Variants in EXOC5 observed in about 807,000 individuals in gnomAD.
EXOC5 encodes exocyst complex component 5, also known as SEC10-like 1.
In EXOC5, 17 loss-of-function variants were observed where a neutral mutation model predicts 90.8. The ratio of observed to expected loss-of-function variants is 0.19; its 90% CI spans 0.13 to 0.28. The LOEUF (loss-of-function observed/expected upper bound fraction) is 0.28. EXOC5 is among the 10% of genes least tolerant of loss of function. The pLI is 1.00. For synonymous variants in EXOC5, 260 were observed against 270.0 expected, an observed-to-expected ratio of 0.96 and a Z score of 0.36; for missense variants, 569 against 830.6, an observed-to-expected ratio of 0.69 and a Z score of 3.87.
intron 4 of EXOC5, among the ~76,000 whole-genome samples, chr14:57,240,470 C>T (rs77511008): frequency 0.039 from 5,909 of 151,928 alleles, 344 homozygotes; most frequent in African/African-American, 0.13. Context: ...TTAGTAGACA[C>T]GGGGTTTCTT....
At position 57,219,433 on chromosome 14, in the gene EXOC5, G is replaced by A; in HGVS notation, c.1415C>T (p.Ser472Phe). 2 of 1,572,904 alleles carry A rather than the reference G, an allele frequency of 1.3e-6. No homozygotes were observed. Among genetic ancestry groups the A allele is most frequent in the Non-Finnish European group, 8.6e-7 (1 of 1,161,322 alleles). Reference protein sequence around the residue: ...ALETGLAGIPSSDSRNANLYF... With the variant: ...ALETGLAGIPFSDSRNANLYF... ...AAGATTTGCATTCCTAGAATCTGAA[G>A]AGGGAATTCCTAAAACCAGAAAGCA... The change falls in exon 14 of 18, where the codon TCT becomes TTT. Residue 472 changes from serine (S) to phenylalanine (F), a missense_variant. By Grantham distance (155) the Ser-to-Phe change is radical. Coordinates refer to ENST00000621441, the MANE Select transcript of EXOC5 (RefSeq NM_006544.4).
chr14:57,225,828 A>G (rs1268090551), intron 12 of EXOC5, among the ~76,000 whole-genome samples: 2 of 152,340 alleles, frequency 1.3e-5, no homozygotes, highest in Middle Eastern at 6.8e-3. Flanking sequence ...AATAGGTGTT[A>G]TGTACAGTGG....
chr14:57,208,324 A>AT lies in EXOC5; in HGVS notation c.*284dup. 1 of 265,242 alleles carries AT rather than the reference A, an allele frequency of 3.8e-6. No homozygotes were observed. Among genetic ancestry groups the AT allele is most frequent in the Non-Finnish European group, 7.1e-6 (1 of 141,292 alleles). 16.4% of individuals were successfully genotyped at this position (265,242 alleles called of 1,614,324 possible). ...CCTTCTGACAGCAACATTTTCTAGGATAAAAACAGTGACATGTAGTTTTAG... is the reference window on the plus strand; with the variant it reads ...CCTTCTGACAGCAACATTTTCTAGGATTAAAAACAGTGACATGTAGTTTTAG... On this transcript the variant is annotated 3_prime_UTR_variant, in exon 18 of 18. Transcript: ENST00000621441.
At chr14:57,218,476 T>C (rs1468102122) in intron 14 of EXOC5, among the ~76,000 whole-genome samples, 1 of 152,082 alleles carries the variant, frequency 6.6e-6, no homozygotes, top group Admixed American at 6.6e-5. Context: ...AATCATACTA[T>C]AAAATTTGGA....
chr14:57,248,859 C>T (rs573605266), intron 1 of EXOC5, among the ~76,000 whole-genome samples: 5 of 152,136 alleles, frequency 3.3e-5, no homozygotes, highest in African/African-American at 1.2e-4. Context: ...ATACAATGAA[C>T]TCATTTAGCA....
At chr14:57,241,794 T>C (rs1261370603) in intron 4 of EXOC5, among the ~76,000 whole-genome samples, 1 of 152,078 alleles carries the variant, frequency 6.6e-6, no homozygotes, top group Middle Eastern at 3.2e-3. Context: ...ATCACAGTCA[T>C]CAAGTATTAT....
rs1023413009 is a variant in EXOC5, at chr14:57,206,106, A to G, written c.*2503T>C. The G allele has an allele frequency of 4.9e-6, 2 of 407,828 alleles. No homozygotes were observed. Among genetic ancestry groups the G allele is most frequent in the African/African-American group, 2.1e-5 (1 of 48,156 alleles). 25.3% of individuals were successfully genotyped at this position (407,828 alleles called of 1,614,324 possible). On this transcript the variant is annotated 3_prime_UTR_variant, in exon 18 of 18. Transcript: ENST00000621441. ...ACAGTGTGTTAAGAGCATATTTTCA[A>G]CTTCATTCAATGCATTACCTAAATA...
intron 1 of EXOC5, among the ~76,000 whole-genome samples, chr14:57,255,384 G>T (rs1210156421): frequency 6.6e-6 from 1 of 152,142 alleles, no homozygotes; most frequent in African/African-American, 2.4e-5. Context: ...GGCAGTGTTT[G>T]TTCCTCTGGC....
rs1884759105 is a variant in EXOC5, at chr14:57,268,412, G to GC, written c.27+209dup. On this transcript the variant is annotated intron_variant, in intron 1 of 17. Coordinates refer to ENST00000621441, the MANE Select transcript of EXOC5 (RefSeq NM_006544.4). ...CCCGGCTTCCCCTCTCTGCCGACCG[G>GC]CCGCCCAGCCCACCTCGGCCCCAAG... The GC allele has an allele frequency of 1.7e-5, 24 of 1,394,996 alleles. No homozygotes were observed. The South Asian group carries it at 2.9e-4, about 17-fold the overall frequency. 86.4% of individuals were successfully genotyped at this position (1,394,996 alleles called of 1,614,324 possible). A position where few individuals can be genotyped will look rare whatever the true frequency, so the allele number is the denominator to read the frequency against.
chr14:57,252,469 T>C (rs1376353691), intron 1 of EXOC5, among the ~76,000 whole-genome samples: 1 of 152,022 alleles, frequency 6.6e-6, no homozygotes, highest in Non-Finnish European at 1.5e-5. Flanking sequence ...TTTAAAAATG[T>C]GTGAAGGGCA....
intron 15 of EXOC5, among the ~76,000 whole-genome samples, chr14:57,214,681 G>A (rs1882923207): frequency 6.6e-6 from 1 of 152,098 alleles, no homozygotes. Flanking sequence ...ACCAGTTATG[G>A]GAATAAAAGA....
In EXOC5 at chr14:57,223,688, T is replaced by C. The variant is rs117630162; in HGVS notation, c.1297-1272A>G. The stretch of plus-strand genomic sequence containing the variant: ...GGCAGATGGAAAATTGGTAAGGATA[T>C]AGAAGACTTGAACAACATAATCAAC... On this transcript the variant is annotated intron_variant, in intron 12 of 17. Coordinates refer to ENST00000621441, the MANE Select transcript of EXOC5 (RefSeq NM_006544.4). 6.5e-3 allele frequency among the ~76,000 whole-genome samples: 996 copies of C among 152,206 alleles called. 8 individuals carry two copies. Among genetic ancestry groups the C allele is most frequent in the Non-Finnish European group, 0.01 (713 of 67,966 alleles).
chr14:57,236,785 C>G (rs573591012), intron 6 of EXOC5, among the ~76,000 whole-genome samples: 1 of 152,060 alleles, frequency 6.6e-6, no homozygotes. Flanking sequence ...TACCACAGAA[C>G]CTGCAAATTT....
At position 57,206,745 on chromosome 14, in the gene EXOC5, A is replaced by G. The variant is rs1882668498; in HGVS notation, c.*1864T>C. 1 of 152,512 alleles carries G rather than the reference A, an allele frequency of 6.6e-6. No homozygotes were observed. The highest frequency in any genetic ancestry group is 2.4e-5 in the African/African-American group (1 of 41,446). The allele number at this position is 152,512 out of a possible 1,614,324, so 9.4% of individuals were successfully genotyped here. A position where few individuals can be genotyped will look rare whatever the true frequency, so the allele number is the denominator to read the frequency against. On this transcript the variant is annotated 3_prime_UTR_variant, in exon 18 of 18. Coordinates refer to ENST00000621441, the MANE Select transcript of EXOC5 (RefSeq NM_006544.4). ...TAAACAAAATAACTAAGCAACAAGTATATGCTTTACATTTTAAAAATTAAT... is the reference window on the plus strand; with the variant it reads ...TAAACAAAATAACTAAGCAACAAGTGTATGCTTTACATTTTAAAAATTAAT...
rs200892621 is a variant in EXOC5 at position 57,247,575 on chromosome 14, G to A, written c.122+43C>T. ...GTCATCTCTATTCTAACACTAATGT[G>A]TACCAGATTAGATCTGTGGGGAAAA... is the stretch of plus-strand genomic sequence containing the variant. On this transcript the variant is annotated intron_variant, in intron 2 of 17. Coordinates refer to ENST00000621441, the MANE Select transcript of EXOC5 (RefSeq NM_006544.4). The A allele has an allele frequency of 3.2e-5, 28 of 866,748 alleles. No individual in the cohort carries two copies. The African/African-American group carries it at 3.8e-4, about 12-fold the overall frequency. The allele number at this position is 866,748 out of a possible 1,614,324, so 53.7% of individuals were successfully genotyped here.
intron 13 of EXOC5, among the ~76,000 whole-genome samples, chr14:57,220,077 A>G (rs1468842335): frequency 6.6e-6 from 1 of 152,226 alleles, no homozygotes. Context: ...GCTAAAAGTA[A>G]AAGACTTAAG....
At chr14:57,264,334 ACT>A (rs1445290543) in intron 1 of EXOC5, among the ~76,000 whole-genome samples, 1 of 152,166 alleles carries the variant, frequency 6.6e-6, no homozygotes. Context: ...ATTTTCAACA[ACT>A]CTGTTTAACT....
intron 13 of EXOC5, among the ~76,000 whole-genome samples, chr14:57,221,119 A>G (rs962437770): frequency 6.6e-6 from 1 of 152,212 alleles, no homozygotes; most frequent in African/African-American, 2.4e-5. Context: ...AGCTAGGGTG[A>G]TGATCAGCAA....
rs753063705 is a variant in EXOC5 at position 57,234,009 on chromosome 14, A to C, written c.693T>G (p.Val231=). The C allele has an allele frequency of 3.8e-6, 6 of 1,598,418 alleles. No individual in the cohort carries two copies. The highest frequency in any genetic ancestry group is 4.3e-6 in the Non-Finnish European group (5 of 1,166,034). ...TTACCTCCTGGCACTGCTTTATATA[A>C]ACATCAACACAATGGGAATAACCCT... The part of the protein sequence containing the change: ...HFKGYSHCVD[V]YIKQCQEGAY... Residue 231 remains valine (V), a synonymous_variant, in exon 8 of 18, where the codon GTT becomes GTG. Transcript: ENST00000621441.
Sources: gnomAD v4.1 joint callset for allele counts (sites outside exome capture counted in the v4.1 genomes callset) on GRCh38, gnomAD v4.1.1 for gene constraint, MANE v1.5 for transcripts, NCBI Gene and HGNC (gene_info 2026-07-23, HGNC 2026-07-21) for gene names.